Variants in PKD1L1 observed in about 807,000 individuals in gnomAD.
The protein encoded by PKD1L1 is polycystin 1 like 1, transient receptor potential channel interacting.
Under a neutral mutation model 323.4 loss-of-function variants are expected in PKD1L1, and 236 were observed. That is an observed-to-expected ratio of 0.73 (90% CI 0.66 to 0.81). PKD1L1 has a LOEUF of 0.81. Among genes scored for constraint, PKD1L1 ranks in the 40% least tolerant of loss-of-function variants. The pLI, the probability that PKD1L1 is intolerant of heterozygous loss-of-function variation, is 0.00. For missense variants in PKD1L1, 3,320 were observed against 3,508.0 expected (o/e 0.95, Z 1.35); for synonymous variants, 1,344 against 1,335.0 (o/e 1.01, Z -0.15).
chr7:47,845,302 C>T (rs995992400), intron 32 of PKD1L1, among the ~76,000 whole-genome samples: 1 of 152,228 alleles, frequency 6.6e-6, no homozygotes, highest in African/African-American at 2.4e-5. Flanking sequence ...GGGCACATGG[C>T]TCCCATGGAG....
intron 7 of PKD1L1, among the ~76,000 whole-genome samples, chr7:47,922,724 C>T (rs567070552): frequency 3.7e-5 from 5 of 136,360 alleles, no homozygotes; most frequent in East Asian, 2.0e-4. Context: ...GCAGCCGCCC[C>T]GTCCGGCCAG....
intron 48 of PKD1L1, 136 bp from the exon 49 acceptor site, chr7:47,813,429 C>A: frequency 1.1e-6 from 1 of 938,084 alleles, no homozygotes; most frequent in Non-Finnish European, 1.7e-6. Flanking sequence ...CTCATAGGAT[C>A]GTTCTGCAGC....
upstream of PKD1L1, among the ~76,000 whole-genome samples, chr7:47,949,378 A>AAAAAAAAAAAAC (rs1788168624): frequency 6.8e-6 from 1 of 148,068 alleles, no homozygotes; most frequent in African/African-American, 2.5e-5. Context: ...CAAAAAAAAA[A>AAAAAAAAAAAAC]AAAAAAAAAA....
At chr7:47,928,476 G>A (rs1372638440) in intron 7 of PKD1L1, among the ~76,000 whole-genome samples, 5 of 152,090 alleles carry the variant, frequency 3.3e-5, no homozygotes, top group South Asian at 4.1e-4. Context: ...AGGCTGAGGC[G>A]GGAGGATCCC....
intron 7 of PKD1L1, among the ~76,000 whole-genome samples, chr7:47,925,615 G>A (rs1787642058): frequency 6.6e-6 from 1 of 152,124 alleles, no homozygotes; most frequent in African/African-American, 2.4e-5. Flanking sequence ...GGAAGGGAGG[G>A]TCAGACATGC....
chr7:47,949,219 A>C (rs1308361670), upstream of PKD1L1, among the ~76,000 whole-genome samples: 3 of 151,760 alleles, frequency 2.0e-5, no homozygotes, highest in Admixed American at 1.3e-4. Flanking sequence ...AAATACAAAA[A>C]TTAGCCAGGC....
At chr7:47,864,532 G>C (rs889700458) in intron 26 of PKD1L1, among the ~76,000 whole-genome samples, 19 of 151,476 alleles carry the variant, frequency 1.3e-4, no homozygotes, top group African/African-American at 3.9e-4. Flanking sequence ...TCTACTTTGG[G>C]ATTCCAAATT....
At chr7:47,957,858 A>ATATATAT in the PKD1L1 span, among the ~76,000 whole-genome samples, 1 of 48,084 alleles carries the variant, frequency 2.1e-5, no homozygotes, top group Admixed American at 2.4e-4. Context: ...TACAATTAAA[A>ATATATAT]AAAAATATAT....
intron 15 of PKD1L1, 145 bp from the exon 16 acceptor site, chr7:47,890,908 T>C (rs79597904): frequency 0.019 from 13,950 of 745,562 alleles, 581 homozygotes; most frequent in African/African-American, 0.14. Context: ...CATTTTCTCC[T>C]GTAACTGAAG....
Position 47,843,088 on chromosome 7 carries a change from T to C in PKD1L1, c.5319A>G (p.Gln1773=). 1.2e-6 allele frequency: 2 copies of C among 1,613,912 alleles called. No homozygotes were observed. Among genetic ancestry groups the C allele is most frequent in the Non-Finnish European group, 1.7e-6 (2 of 1,179,860 alleles). Residue 1773 remains glutamine, a synonymous_variant, in exon 34 of 57, where the codon CAA becomes CAG. Transcript: ENST00000289672. The stretch of plus-strand genomic sequence containing the variant: ...CTTTCTTTTTTTCATGATGATCTAC[T>C]TGTCTACTTTTAGCGACCAAAAATC... The part of the protein sequence containing the change: ...LYGFLVAKSR[Q]VDHHEKKKAG...
At chr7:47,777,603 T>G (rs993602022) in intron 56 of PKD1L1, among the ~76,000 whole-genome samples, 1 of 152,198 alleles carries the variant, frequency 6.6e-6, no homozygotes, top group Admixed American at 6.5e-5. Flanking sequence ...ATAATATAAT[T>G]GGGGGCTGCA....
intron 26 of PKD1L1, among the ~76,000 whole-genome samples, chr7:47,859,622 C>A (rs1785980431): frequency 7.5e-6 from 1 of 133,800 alleles, no homozygotes; most frequent in Non-Finnish European, 1.6e-5. Context: ...GGACTAAAGA[C>A]ATACATTTTT....
chr7:47,827,208 T>C (rs1376135612), intron 45 of PKD1L1, 142 bp downstream of exon 45: 1 of 663,030 alleles, frequency 1.5e-6, no homozygotes, highest in Non-Finnish European at 2.5e-6. Flanking sequence ...AGGATGGCTC[T>C]GGGGACAGCA....
chr7:47,809,892 C>G lies in PKD1L1; in HGVS notation c.7582-315G>C, dbSNP rs970299074. 1.7e-5 allele frequency: 4 copies of G among 238,040 alleles called. No individual in the cohort carries two copies. The South Asian group carries it at 4.9e-4, about 29-fold the overall frequency. The allele number at this position is 238,040 out of a possible 1,614,324, so 14.7% of individuals were successfully genotyped here. A position where few individuals can be genotyped will look rare whatever the true frequency, so the allele number is the denominator to read the frequency against. ...CAGGCCTCCCGACCTCCATGCTGAT[C>G]CTCCAGTCCTTCCTTGGCACTGCTC... On this transcript the variant is annotated intron_variant, in intron 50 of 56. Coordinates refer to ENST00000289672, the MANE Select transcript of PKD1L1 (RefSeq NM_138295.5).
At chr7:47,848,152 C>T (rs908896544) in intron 31 of PKD1L1, among the ~76,000 whole-genome samples, 3 of 152,060 alleles carry the variant, frequency 2.0e-5, no homozygotes, top group Non-Finnish European at 2.9e-5. Context: ...TGGAGGTAAA[C>T]GTGACAATAC....
At chr7:47,935,954 C>T (rs943073500) in intron 4 of PKD1L1, among the ~76,000 whole-genome samples, 9 of 152,264 alleles carry the variant, frequency 5.9e-5, no homozygotes, top group Admixed American at 1.3e-4. Flanking sequence ...TGAATAATAA[C>T]GAGGAAAACA....
chr7:47,829,974 A>G, intron 43 of PKD1L1, 66 bp downstream of exon 43: 1 of 1,455,114 alleles, frequency 6.9e-7, no homozygotes, highest in East Asian at 2.3e-5. Context: ...TGAAGCCTCT[A>G]TTTCCCCTTC....
chr7:47,950,305 C>T (rs1411328966), upstream of PKD1L1, among the ~76,000 whole-genome samples: 2 of 152,116 alleles, frequency 1.3e-5, no homozygotes. Context: ...GCTGGACATC[C>T]TGAGAACAGG....
chr7:47,947,824 G>A (rs1280706018), intron 1 of PKD1L1, among the ~76,000 whole-genome samples: 4 of 151,890 alleles, frequency 2.6e-5, no homozygotes, highest in Admixed American at 6.5e-5. Context: ...AAAATTAGTC[G>A]GGCGTGGTGG....
Sources: gnomAD v4.1 joint callset for allele counts (sites outside exome capture counted in the v4.1 genomes callset) on GRCh38, gnomAD v4.1.1 for gene constraint, MANE v1.5 for transcripts, NCBI Gene and HGNC (gene_info 2026-07-23, HGNC 2026-07-21) for gene names.